The following SIM1 variants were observed in gnomAD, a reference collection of about 807,000 sequenced individuals.
SIM1 encodes SIM bHLH transcription factor 1, also known as single-minded homolog 1.
A neutral mutation model predicts 78.2 loss-of-function variants in SIM1; 18 were observed. The ratio of observed to expected loss-of-function variants is 0.23; its 90% CI spans 0.16 to 0.34. The LOEUF (loss-of-function observed/expected upper bound fraction) is 0.34. Ranked by LOEUF, SIM1 falls within the 10% of genes least tolerant of loss-of-function variation. The pLI is 1.00. For synonymous variants in SIM1, 417 were observed against 385.2 expected (o/e 1.08, Z -0.97); for missense variants, 939 against 975.1 (o/e 0.96, Z 0.49).
intron 9 of SIM1, among the ~76,000 whole-genome samples, chr6:100,435,589 C>A (rs1772023190): frequency 6.6e-6 from 1 of 152,118 alleles, no homozygotes; most frequent in Non-Finnish European, 1.5e-5. Flanking sequence ...AGCTAACAAC[C>A]ACCTCCCAGT....
rs1340284869 is a variant in SIM1 at position 100,415,684 on chromosome 6, C to A, written c.1167+5106G>T. Reference sequence around the variant, plus strand: ...TATTAATGCAGACAAACTGGACAAACTGAGTGGTGGTTAACAGAGCAGGAG... The same window carrying A: ...TATTAATGCAGACAAACTGGACAAAATGAGTGGTGGTTAACAGAGCAGGAG... On this transcript the variant is annotated intron_variant, in intron 10 of 11. Coordinates refer to ENST00000369208, the MANE Select transcript of SIM1 (RefSeq NM_005068.3). Among the ~76,000 whole-genome samples, 4 of 152,270 alleles carry A rather than the reference C, an allele frequency of 2.6e-5. No homozygotes were observed. In the East Asian group the frequency reaches 7.7e-4, roughly 29 times the overall value.
chr6:100,455,196 C>T (rs1340514626), intron 2 of SIM1, among the ~76,000 whole-genome samples: 1 of 152,150 alleles, frequency 6.6e-6, no homozygotes, highest in East Asian at 1.9e-4. Flanking sequence ...AGCTCAAATC[C>T]GGTCTTTCTG....
intron 9 of SIM1, among the ~76,000 whole-genome samples, chr6:100,432,599 T>C (rs1771932282): frequency 6.6e-6 from 1 of 152,188 alleles, no homozygotes; most frequent in Admixed American, 6.5e-5. Context: ...TACTTCCAAC[T>C]GCTTACTTCC....
chr6:100,420,584 A>G (rs3734358), intron 10 of SIM1, among the ~76,000 whole-genome samples: 16,840 of 152,214 alleles, frequency 0.11, 972 homozygotes, highest in East Asian at 0.15. Context: ...CCTTTATATT[A>G]ATGCAGTAAA....
chr6:100,461,457 T>C (rs939789022), intron 2 of SIM1, among the ~76,000 whole-genome samples: 1 of 152,188 alleles, frequency 6.6e-6, no homozygotes, highest in African/African-American at 2.4e-5. Flanking sequence ...GCCCTGCTAT[T>C]CTTCTCCTCC....
intron 3 of SIM1, among the ~76,000 whole-genome samples, chr6:100,452,570 G>A (rs372343408): frequency 3.9e-5 from 6 of 152,236 alleles, no homozygotes; most frequent in African/African-American, 1.4e-4. Context: ...TTGAAATTGG[G>A]AATGTAAGTC....
intron 9 of SIM1, among the ~76,000 whole-genome samples, chr6:100,444,635 A>G (rs1417904268): frequency 1.3e-5 from 2 of 152,168 alleles, no homozygotes; most frequent in Non-Finnish European, 2.9e-5. Flanking sequence ...ATCAAGGCGT[A>G]TACCACCTGC....
At position 100,390,888 on chromosome 6, in the gene SIM1, G is replaced by A. The variant is rs143641343; in HGVS notation, c.1774C>T (p.Leu592=). The change falls in exon 12 of 12, where the codon CTG becomes TTG. Residue 592 remains leucine, a synonymous_variant. Coordinates refer to ENST00000369208, the MANE Select transcript of SIM1 (RefSeq NM_005068.3). ...TTCCCAGCCCCATTAATGGAAGCCAGTTGGTCTGAGGGGGCTTTCCTTAGC... is the reference window on the plus strand; with the variant it reads ...TTCCCAGCCCCATTAATGGAAGCCAATTGGTCTGAGGGGGCTTTCCTTAGC... ...LQLRKAPSDQ[L]ASINGAGKKH... 1.2e-6 allele frequency: 2 copies of A among 1,614,184 alleles called. No homozygotes were observed. Among genetic ancestry groups the A allele is most frequent in the African/African-American group, 2.7e-5 (2 of 75,042 alleles).
chr6:100,455,488 G>A (rs1475784851), intron 2 of SIM1, among the ~76,000 whole-genome samples: 3 of 152,100 alleles, frequency 2.0e-5, no homozygotes, highest in African/African-American at 7.2e-5. Flanking sequence ...ATTCTCCTTC[G>A]TTTCTGTCAC....
intron 10 of SIM1, among the ~76,000 whole-genome samples, chr6:100,403,089 G>A (rs1291733644): frequency 2.0e-5 from 3 of 152,026 alleles, no homozygotes; most frequent in African/African-American, 7.2e-5. Flanking sequence ...AAAATTTTTT[G>A]TCATTCTGAA....
At chr6:100,395,853 T>C (rs560576622) in intron 10 of SIM1, among the ~76,000 whole-genome samples, 2 of 152,206 alleles carry the variant, frequency 1.3e-5, no homozygotes, top group Non-Finnish European at 2.9e-5. Flanking sequence ...AGTATGCCAA[T>C]ATAGCATGCT....
intron 2 of SIM1, among the ~76,000 whole-genome samples, chr6:100,461,971 A>G (rs1772868351): frequency 6.6e-6 from 1 of 151,414 alleles, no homozygotes; most frequent in Admixed American, 6.6e-5. Context: ...CATCACTTGT[A>G]GTTTGAAGGT....
chr6:100,419,170 A>C (rs1172306788), intron 10 of SIM1, among the ~76,000 whole-genome samples: 1 of 152,136 alleles, frequency 6.6e-6, no homozygotes, highest in Non-Finnish European at 1.5e-5. Context: ...CATCTCAAAA[A>C]AGAAGAAGAA....
chr6:100,411,283 T>A (rs718268), intron 10 of SIM1, among the ~76,000 whole-genome samples: 1 of 152,006 alleles, frequency 6.6e-6, no homozygotes, highest in African/African-American at 2.4e-5. Flanking sequence ...TCACATATTT[T>A]CATTTTGTAC....
At chr6:100,434,403 A>T (rs1215139861) in intron 9 of SIM1, among the ~76,000 whole-genome samples, 1 of 151,778 alleles carries the variant, frequency 6.6e-6, no homozygotes, top group African/African-American at 2.4e-5. Flanking sequence ...AAAATGAAAA[A>T]CTCTGTGTTG....
At chr6:100,403,728 T>C (rs1319101156) in intron 10 of SIM1, among the ~76,000 whole-genome samples, 1 of 152,220 alleles carries the variant, frequency 6.6e-6, no homozygotes, top group Non-Finnish European at 1.5e-5. Context: ...ACTTACTATA[T>C]GATTTGCTTA....
At chr6:100,426,899 ATTT>A (rs968547042) in intron 9 of SIM1, among the ~76,000 whole-genome samples, 18 of 152,150 alleles carry the variant, frequency 1.2e-4, no homozygotes, top group African/African-American at 4.3e-4. Flanking sequence ...CGATTGAGCT[ATTT>A]TTTTAAACAG....
intron 2 of SIM1, among the ~76,000 whole-genome samples, chr6:100,458,013 TCTCTCTCTCTCTCTCTCTCTCTCTC>T (rs1772722303): frequency 8.1e-5 from 1 of 12,382 alleles, no homozygotes; most frequent in East Asian, 9.0e-4. Flanking sequence ...TCTTTCTCTC[TCTCTCTCTCTCTCTCTCTCTCTCTC>T]TCTCTCTCTC....
chr6:100,416,465 A>G (rs1771403669), intron 10 of SIM1, among the ~76,000 whole-genome samples: 1 of 152,212 alleles, frequency 6.6e-6, no homozygotes, highest in African/African-American at 2.4e-5. Context: ...AAAGAGGCAC[A>G]AGACATTACC....
Sources: gnomAD v4.1 joint callset for allele counts (sites outside exome capture counted in the v4.1 genomes callset) on GRCh38, gnomAD v4.1.1 for gene constraint, MANE v1.5 for transcripts, NCBI Gene and HGNC (gene_info 2026-07-23, HGNC 2026-07-21) for gene names.